The following SUGP2 variants were observed in gnomAD, a reference collection of about 807,000 sequenced individuals.
SUGP2 encodes SURP and G-patch domain-containing protein 2.
SUGP2 carries 24 observed loss-of-function variants against 90.5 expected under a neutral mutation model. The observed-to-expected ratio is 0.27, with a 90% CI of 0.19 to 0.37. SUGP2 has a LOEUF of 0.37. Among genes scored for constraint, SUGP2 ranks in the 10% least tolerant of loss-of-function variants. The probability of loss-of-function intolerance (pLI) is 1.00; values close to 1 mark genes in which losing one functional copy is unlikely to be tolerated. For synonymous variants in SUGP2, 473 were observed against 513.4 expected, an observed-to-expected ratio of 0.92 and a Z score of 1.06; for missense variants, 1,233 against 1,363.3, an observed-to-expected ratio of 0.90 and a Z score of 1.51.
chr19:19,031,829 T>A (rs559744514), intron 1 of SUGP2, among the ~76,000 whole-genome samples: 5 of 150,796 alleles, frequency 3.3e-5, no homozygotes, highest in African/African-American at 7.3e-5. Context: ...TTTATCTTTT[T>A]TTTTTTTTTT....
rs751633332 is a variant in SUGP2 at position 19,031,115 on chromosome 19, C to T, written c.-11-33G>A. The T allele has an allele frequency of 3.8e-6, 6 of 1,598,150 alleles. No homozygotes were observed. The Admixed American group carries it at 5.3e-5, about 14-fold the overall frequency. Reference sequence around the variant, plus strand: ...GAGAGAGAAAAAAATACACTAAGAGCAACAACTTGGAGCTGGGCGCGGTGG... The same window carrying T: ...GAGAGAGAAAAAAATACACTAAGAGTAACAACTTGGAGCTGGGCGCGGTGG... On this transcript the variant is annotated intron_variant, in intron 1 of 10. Coordinates refer to ENST00000452918, the MANE Select transcript of SUGP2 (RefSeq NM_001017392.5).
chr19:19,009,663 C>T (rs1337150033), intron 5 of SUGP2, among the ~76,000 whole-genome samples, 192 bp downstream of exon 5: 2 of 152,192 alleles, frequency 1.3e-5, no homozygotes, highest in African/African-American at 4.8e-5. Context: ...GAGGGAGCTG[C>T]AGGACTCGCA....
chr19:19,033,344 G>T, intron 1 of SUGP2, 93 bp downstream of exon 1: 1 of 1,130,116 alleles, frequency 8.8e-7, no homozygotes, highest in Non-Finnish European at 1.1e-6. Flanking sequence ...AGCCTGCGAC[G>T]CCATCACGGA....
intron 1 of SUGP2, chr19:19,033,152 G>C (rs2059253540): frequency 5.5e-6 from 1 of 182,180 alleles, no homozygotes; most frequent in Non-Finnish European, 1.1e-5. Flanking sequence ...CCTCCCGAGC[G>C]GGGGCCGCTC....
chr19:19,001,737 T>C, intron 7 of SUGP2, 63 bp from the exon 8 acceptor site: 1 of 1,545,566 alleles, frequency 6.5e-7, no homozygotes. Context: ...ACTTAGAGAC[T>C]GAAGATCTTG....
Position 19,010,171 on chromosome 19 carries a change from G to A in SUGP2, c.2022C>T (p.Leu674=). The stretch of plus-strand genomic sequence containing the variant: ...GGAGCCCCCGCCGCTGCCACGGAAG[G>A]AGTTTCTTCTTGAGGTTGCGGACAG... The part of the protein sequence containing the change: ...SRAVRNLKKK[L]LPWQRRGLLR... Residue 674 remains leucine (L), a synonymous_variant, in exon 5 of 11, where the codon CTC becomes CTT. Coordinates refer to ENST00000452918, the MANE Select transcript of SUGP2 (RefSeq NM_001017392.5). 1 of 1,613,716 alleles carries A rather than the reference G, an allele frequency of 6.2e-7. No homozygotes were observed.
rs558233446 is a variant in SUGP2, at chr19:19,028,685, A to G, written c.121+2266T>C. Among the ~76,000 whole-genome samples, 11 of 151,918 alleles carry G rather than the reference A, an allele frequency of 7.2e-5. No homozygotes were observed. In the South Asian group the frequency reaches 2.3e-3, roughly 32 times the overall value. ...ACTGCTAGGTTTCTAGTCCTCTCCC[A>G]CCCACGGCCCCCTAATCTGTCTTTT... On this transcript the variant is annotated intron_variant, in intron 2 of 10. Coordinates refer to ENST00000452918, the MANE Select transcript of SUGP2 (RefSeq NM_001017392.5).
At chr19:19,001,524 G>T in intron 8 of SUGP2, 89 bp downstream of exon 8, 1 of 1,324,308 alleles carries the variant, frequency 7.6e-7, no homozygotes, top group Non-Finnish European at 1.1e-6. Flanking sequence ...TGTTAGCACA[G>T]CTTAATCACA....
intron 5 of SUGP2, among the ~76,000 whole-genome samples, chr19:19,009,545 TC>T (rs1160196926): frequency 2.6e-5 from 4 of 151,946 alleles, no homozygotes; most frequent in African/African-American, 9.7e-5. Context: ...GGACATGGGA[TC>T]CCAAGTTCAG....
At chr19:19,016,469 C>T (rs1182150750) in intron 4 of SUGP2, among the ~76,000 whole-genome samples, 1 of 152,132 alleles carries the variant, frequency 6.6e-6, no homozygotes, top group Non-Finnish European at 1.5e-5. Context: ...TCAGGGCCTC[C>T]TATTCCTCCA....
At chr19:19,010,584 C>T (rs1459641243) in intron 4 of SUGP2, among the ~76,000 whole-genome samples, 3 of 152,138 alleles carry the variant, frequency 2.0e-5, no homozygotes, top group African/African-American at 7.2e-5. Context: ...CAGCAGCAGC[C>T]GTGAGGGAGC....
intron 3 of SUGP2, among the ~76,000 whole-genome samples, chr19:19,021,145 G>A (rs1294110870): frequency 4.0e-5 from 2 of 50,544 alleles, no homozygotes; most frequent in African/African-American, 1.7e-4. Flanking sequence ...GGCAACAAGA[G>A]CAAAATTCCA....
chr19:19,008,443 G>A lies in SUGP2; in HGVS notation c.2339-15C>T. 6.2e-7 allele frequency: 1 copy of A among 1,600,684 alleles called. No individual in the cohort carries two copies. The highest frequency in any genetic ancestry group is 8.6e-7 in the Non-Finnish European group (1 of 1,167,820). ...CTTCATGTCAACTACAAAACATAAA[G>A]CACCTGTCAGGCATGACTCCTGAGC... On this transcript the variant is annotated splice_polypyrimidine_tract_variant and intron_variant, in intron 5 of 10. Coordinates refer to ENST00000452918, the MANE Select transcript of SUGP2 (RefSeq NM_001017392.5).
At chr19:19,032,244 C>T (rs997472351) in intron 1 of SUGP2, among the ~76,000 whole-genome samples, 3 of 151,648 alleles carry the variant, frequency 2.0e-5, no homozygotes, top group African/African-American at 7.3e-5. Flanking sequence ...CTGCAACCTC[C>T]GCCTCCTGGA....
rs2057449694 is a variant in SUGP2 at position 18,993,567 on chromosome 19, T to C, written c.*174A>G. On this transcript the variant is annotated 3_prime_UTR_variant, in exon 11 of 11. Coordinates refer to ENST00000452918, the MANE Select transcript of SUGP2 (RefSeq NM_001017392.5). ...ATTGAAAATGGTGCATGTTTTTTTC[T>C]TTGAGAGAAAGAAAAGCCAGCGAAA... 1 of 152,554 alleles carries C rather than the reference T, an allele frequency of 6.6e-6. No individual in the cohort carries two copies. Among genetic ancestry groups the C allele is most frequent in the African/African-American group, 2.4e-5 (1 of 41,420 alleles). 9.5% of individuals were successfully genotyped at this position (152,554 alleles called of 1,614,324 possible).
intron 4 of SUGP2, among the ~76,000 whole-genome samples, chr19:19,016,410 T>G (rs1371123516): frequency 1.3e-5 from 2 of 152,106 alleles, no homozygotes; most frequent in African/African-American, 4.8e-5. Context: ...ATGAGACCAC[T>G]GGGCCATGTG....
intron 2 of SUGP2, among the ~76,000 whole-genome samples, chr19:19,029,603 T>A (rs2059069471): frequency 6.7e-6 from 1 of 148,950 alleles, no homozygotes; most frequent in Non-Finnish European, 1.5e-5. Flanking sequence ...CACACCTGGC[T>A]AATTTTTTTT....
At chr19:19,017,654 C>T (rs754217833) in intron 4 of SUGP2, among the ~76,000 whole-genome samples, 4 of 152,112 alleles carry the variant, frequency 2.6e-5, no homozygotes, top group Non-Finnish European at 5.9e-5. Flanking sequence ...CACCTGTAAT[C>T]CCAGTTACTT....
intron 1 of SUGP2, among the ~76,000 whole-genome samples, chr19:19,032,122 C>G (rs1161660573): frequency 1.3e-5 from 2 of 151,780 alleles, no homozygotes; most frequent in Non-Finnish European, 2.9e-5. Context: ...GACCACAACC[C>G]TCGCAAATCG....
Sources: gnomAD v4.1 joint callset for allele counts (sites outside exome capture counted in the v4.1 genomes callset) on GRCh38, gnomAD v4.1.1 for gene constraint, MANE v1.5 for transcripts, NCBI Gene and HGNC (gene_info 2026-07-23, HGNC 2026-07-21) for gene names.